DAB1: variants seen among roughly 807,000 people sequenced by gnomAD.
The protein encoded by DAB1 is disabled homolog 1.
Under a neutral mutation model 64.6 loss-of-function variants are expected in DAB1, and 15 were observed. The observed-to-expected ratio is 0.23, with a 90% CI of 0.16 to 0.36. DAB1 has a LOEUF of 0.36. Among genes scored for constraint, DAB1 ranks in the 10% least tolerant of loss-of-function variants. The probability of loss-of-function intolerance (pLI) is 1.00; values close to 1 mark genes in which losing one functional copy is unlikely to be tolerated. For synonymous variants in DAB1, 235 were observed against 251.9 expected, an observed-to-expected ratio of 0.93 and a Z score of 0.64; for missense variants, 596 against 706.7, an observed-to-expected ratio of 0.84 and a Z score of 1.78.
At chr1:58,368,594 G>C (rs1230717963) in intron 3 of DAB1, among the ~76,000 whole-genome samples, 15 of 152,094 alleles carry the variant, frequency 9.9e-5, no homozygotes, top group Admixed American at 9.8e-4. Context: ...TTAGAATTTT[G>C]ACAGGCCACA....
At chr1:58,446,851 G>C (rs2100282054) in intron 3 of DAB1, among the ~76,000 whole-genome samples, 1 of 152,220 alleles carries the variant, frequency 6.6e-6, no homozygotes, top group South Asian at 2.1e-4. Context: ...TCCCTCCAAG[G>C]CAAACTAATG....
intron 5 of DAB1, among the ~76,000 whole-genome samples, chr1:57,947,247 A>G (rs532265732): frequency 6.6e-6 from 1 of 152,266 alleles, no homozygotes; most frequent in East Asian, 1.9e-4. Context: ...TGATCTTCAT[A>G]CTAGAATTCT....
At chr1:57,256,882 G>A (rs1326753295) in intron 2 of DAB1, among the ~76,000 whole-genome samples, 2 of 152,198 alleles carry the variant, frequency 1.3e-5, no homozygotes, top group Non-Finnish European at 2.9e-5. Flanking sequence ...CCTCCAGTAA[G>A]CCCTGGCAGT....
intron 2 of DAB1, among the ~76,000 whole-genome samples, chr1:58,506,647 TAAAATCTTTTA>T (rs1177994523): frequency 6.6e-6 from 1 of 152,156 alleles, no homozygotes; most frequent in African/African-American, 2.4e-5. Flanking sequence ...GTATTAAGGG[TAAAATCTTTTA>T]CACAAATTAA....
intron 6 of DAB1, among the ~76,000 whole-genome samples, chr1:57,795,054 AT>A (rs1369680202): frequency 1.3e-5 from 2 of 152,246 alleles, no homozygotes; most frequent in Non-Finnish European, 2.9e-5. Flanking sequence ...GGAATGACCC[AT>A]GTCATAGCCC....
At chr1:57,141,254 A>G (rs1267200704) in intron 3 of DAB1, among the ~76,000 whole-genome samples, 1 of 152,180 alleles carries the variant, frequency 6.6e-6, no homozygotes, top group African/African-American at 2.4e-5. Flanking sequence ...TGATTCCTAC[A>G]GACTAGAACT....
In DAB1 at chr1:57,331,197, C is replaced by T. The variant is rs972620993; in HGVS notation, c.-136-40031G>A. On this transcript the variant is annotated intron_variant, in intron 1 of 14. Coordinates refer to ENST00000371236, the MANE Select transcript of DAB1 (RefSeq NM_001365792.1). The stretch of plus-strand genomic sequence containing the variant: ...TGCTAGCAAAGAAACTGTCTGCTAA[C>T]GATAAGAACAATAACAATTTAACTG... Among the ~76,000 whole-genome samples the T allele has an allele frequency of 7.2e-5, 11 of 152,114 alleles. No individual in the cohort carries two copies. In the South Asian group the frequency reaches 1.0e-3, roughly 14 times the overall value.
chr1:58,512,659 C>T (rs144255301), intron 2 of DAB1, among the ~76,000 whole-genome samples: 43 of 152,286 alleles, frequency 2.8e-4, no homozygotes, highest in African/African-American at 9.6e-4. Context: ...TGGACAAATA[C>T]GAGACGATTC....
chr1:57,720,668 T>C (rs541778061), intron 6 of DAB1, among the ~76,000 whole-genome samples: 2 of 152,364 alleles, frequency 1.3e-5, no homozygotes, highest in South Asian at 4.1e-4. Context: ...TAATATCAAG[T>C]GCTTTGGCAC....
At chr1:57,832,690 C>T (rs1652641244) in intron 1 of DAB1, among the ~76,000 whole-genome samples, 1 of 152,172 alleles carries the variant, frequency 6.6e-6, no homozygotes, top group Non-Finnish European at 1.5e-5. Context: ...GGAGAGGATT[C>T]AATTTCTGGG....
chr1:58,407,253 G>A (rs1644625107), intron 3 of DAB1, among the ~76,000 whole-genome samples: 1 of 152,080 alleles, frequency 6.6e-6, no homozygotes, highest in African/African-American at 2.4e-5. Flanking sequence ...AATGGTTAGT[G>A]CCCAGACACC....
intron 1 of DAB1, among the ~76,000 whole-genome samples, chr1:57,365,674 C>A (rs1679939608): frequency 6.6e-6 from 1 of 152,038 alleles, no homozygotes; most frequent in African/African-American, 2.4e-5. Flanking sequence ...TCTCGGACCA[C>A]AAAATCCGTG....
At chr1:58,226,722 G>A (rs559404573) in intron 4 of DAB1, among the ~76,000 whole-genome samples, 1 of 152,272 alleles carries the variant, frequency 6.6e-6, no homozygotes, top group East Asian at 1.9e-4. Context: ...ATCCTTAGGA[G>A]GTAGGTTCTA....
intron 4 of DAB1, among the ~76,000 whole-genome samples, chr1:58,315,536 T>C (rs1662538427): frequency 6.6e-6 from 1 of 152,212 alleles, no homozygotes; most frequent in South Asian, 2.1e-4. Context: ...ATATAGCTGA[T>C]TCTTGGAGGA....
intron 5 of DAB1, among the ~76,000 whole-genome samples, chr1:57,922,927 C>T (rs1291237719): frequency 1.3e-5 from 2 of 149,540 alleles, no homozygotes; most frequent in African/African-American, 4.9e-5. Context: ...TTTTTGACTA[C>T]AGCTCTTTTC....
At chr1:57,197,259 G>A (rs6695086) in intron 2 of DAB1, among the ~76,000 whole-genome samples, 2,828 of 151,260 alleles carry the variant, frequency 0.019, 65 homozygotes, top group East Asian at 0.093. Context: ...CACAAGAATC[G>A]CTTGAACCCA....
intron 1 of DAB1, among the ~76,000 whole-genome samples, chr1:57,414,613 G>A (rs72909230): frequency 0.09 from 13,708 of 152,124 alleles, 660 homozygotes; most frequent in Middle Eastern, 0.13. Flanking sequence ...ATGGATGCCT[G>A]AATTTATTTA....
At chr1:57,724,049 T>C (rs1647179776) in intron 6 of DAB1, among the ~76,000 whole-genome samples, 1 of 152,184 alleles carries the variant, frequency 6.6e-6, no homozygotes, top group South Asian at 2.1e-4. Context: ...AGAACGTTTA[T>C]AGCTATGAAT....
At chr1:57,463,706 T>G (rs898333980) in intron 7 of DAB1, among the ~76,000 whole-genome samples, 2 of 152,214 alleles carry the variant, frequency 1.3e-5, no homozygotes, top group Non-Finnish European at 2.9e-5. Context: ...TGGATTCTAT[T>G]GTATTCCACT....
Sources: gnomAD v4.1 joint callset for allele counts (sites outside exome capture counted in the v4.1 genomes callset) on GRCh38, gnomAD v4.1.1 for gene constraint, MANE v1.5 for transcripts, NCBI Gene and HGNC (gene_info 2026-07-23, HGNC 2026-07-21) for gene names.